CCSER1: variants seen among roughly 807,000 people sequenced by gnomAD.
CCSER1 encodes the protein coiled-coil serine rich protein 1, also known as serine-rich coiled-coil domain-containing protein 1.
CCSER1 carries 41 observed loss-of-function variants against 82.0 expected under a neutral mutation model. That is an observed-to-expected ratio of 0.50 (90% CI 0.39 to 0.65). The LOEUF (loss-of-function observed/expected upper bound fraction) is 0.65, where lower values mean the gene tolerates loss of function less well. Ranked by LOEUF, CCSER1 falls within the 30% of genes least tolerant of loss-of-function variation. CCSER1 has a pLI of 0.00. For synonymous variants in CCSER1, 414 were observed against 383.9 expected, an observed-to-expected ratio of 1.08 and a Z score of -0.92; for missense variants, 1,119 against 1,064.2, an observed-to-expected ratio of 1.05 and a Z score of -0.72.
At chr4:90,390,562 A>C (rs910213117) in intron 3 of CCSER1, among the ~76,000 whole-genome samples, 1 of 152,142 alleles carries the variant, frequency 6.6e-6, no homozygotes, top group African/African-American at 2.4e-5. Flanking sequence ...TTCCTGATTT[A>C]AGTTGATAAT....
intron 10 of CCSER1, among the ~76,000 whole-genome samples, chr4:91,432,297 AT>A (rs1055060185): frequency 6.6e-6 from 1 of 152,190 alleles, no homozygotes; most frequent in African/African-American, 2.4e-5. Flanking sequence ...GACTACTACA[AT>A]AATTAATTTA....
intron 10 of CCSER1, among the ~76,000 whole-genome samples, chr4:91,362,263 G>T (rs1457053789): frequency 6.6e-6 from 1 of 151,800 alleles, no homozygotes; most frequent in African/African-American, 2.4e-5. Flanking sequence ...TATTTTAGCT[G>T]AGCCTGTAGT....
intron 6 of CCSER1, among the ~76,000 whole-genome samples, chr4:90,687,778 G>T (rs537829451): frequency 1.1e-3 from 173 of 152,196 alleles, no homozygotes; most frequent in African/African-American, 3.9e-3. Flanking sequence ...GGAAGAGAAG[G>T]AAGGACTAAT....
At chr4:91,419,650 T>C (rs1225882658) in intron 10 of CCSER1, among the ~76,000 whole-genome samples, 1 of 151,986 alleles carries the variant, frequency 6.6e-6, no homozygotes, top group Non-Finnish European at 1.5e-5. Flanking sequence ...TATAAATTCA[T>C]TGCAATCCTT....
At chr4:90,599,886 G>A (rs1309462645) in intron 5 of CCSER1, among the ~76,000 whole-genome samples, 1 of 152,144 alleles carries the variant, frequency 6.6e-6, no homozygotes, top group Non-Finnish European at 1.5e-5. Flanking sequence ...CCCTCCTGCT[G>A]TGGCTCCACA....
At chr4:90,310,291 C>T (rs984599189) in intron 2 of CCSER1, among the ~76,000 whole-genome samples, 1 of 151,964 alleles carries the variant, frequency 6.6e-6, no homozygotes, top group Non-Finnish European at 1.5e-5. Context: ...TGTAATATGG[C>T]TACAGAAAAC....
chr4:91,311,094 C>A (rs1473441551), intron 10 of CCSER1, among the ~76,000 whole-genome samples: 1 of 151,958 alleles, frequency 6.6e-6, no homozygotes, highest in East Asian at 1.9e-4. Flanking sequence ...TTAACTATTA[C>A]ATGATTCTTT....
chr4:90,480,369 C>T (rs914769049), intron 5 of CCSER1, among the ~76,000 whole-genome samples: 10 of 152,148 alleles, frequency 6.6e-5, no homozygotes, highest in African/African-American at 2.2e-4. Context: ...TGTGCAGAAA[C>T]TCTTTAGCTT....
chr4:90,551,706 C>CTCTCTATA, intron 5 of CCSER1, among the ~76,000 whole-genome samples: 3,404 of 104,066 alleles, frequency 0.033, 100 homozygotes, highest in Middle Eastern at 0.051. Context: ...CTCTCTCTCT[C>CTCTCTATA]TATATATATA....
chr4:90,747,484 GA>G (rs1366666098), intron 7 of CCSER1, among the ~76,000 whole-genome samples: 5 of 150,250 alleles, frequency 3.3e-5, no homozygotes, highest in Middle Eastern at 3.4e-3. Context: ...TGAGAGCAGA[GA>G]AAAAAAAAGA....
rs78961850 is a variant in CCSER1 at position 91,099,301 on chromosome 4, C to T, written c.2217+13307C>T. Among the ~76,000 whole-genome samples, 530 of 152,186 alleles carry T rather than the reference C, an allele frequency of 3.5e-3. 2 individuals carry two copies. The highest frequency in any genetic ancestry group is 6.8e-3 in the Middle Eastern group (2 of 294). On this transcript the variant is annotated intron_variant, in intron 10 of 10. Transcript: ENST00000509176. The stretch of plus-strand genomic sequence containing the variant: ...TATAGAATTTTTCAGTGGTTTGGTG[C>T]CTATAGCCCACCACTAAGATGTATC...
chr4:91,556,720 C>A (rs1235372567), intron 10 of CCSER1, among the ~76,000 whole-genome samples: 1 of 150,872 alleles, frequency 6.6e-6, no homozygotes, highest in Non-Finnish European at 1.5e-5. Flanking sequence ...AATATTTCAG[C>A]AACTTTCATT....
chr4:90,842,027 G>T (rs1762632442), intron 8 of CCSER1, among the ~76,000 whole-genome samples: 1 of 149,984 alleles, frequency 6.7e-6, no homozygotes, highest in Admixed American at 6.6e-5. Flanking sequence ...TGATTTCTCT[G>T]TTTTTTTTTT....
intron 8 of CCSER1, among the ~76,000 whole-genome samples, chr4:90,898,831 C>G (rs924105131): frequency 6.6e-6 from 1 of 151,598 alleles, no homozygotes; most frequent in African/African-American, 2.4e-5. Flanking sequence ...TGGTACCATA[C>G]TGTCTTGGTT....
chr4:90,651,400 G>A (rs189953759), intron 6 of CCSER1, among the ~76,000 whole-genome samples: 1 of 152,290 alleles, frequency 6.6e-6, no homozygotes, highest in East Asian at 1.9e-4. Context: ...GGATATGGAT[G>A]AAGCTGGAAA....
chr4:90,811,511 A>G (rs1042923704), intron 7 of CCSER1, among the ~76,000 whole-genome samples: 2 of 152,198 alleles, frequency 1.3e-5, no homozygotes, highest in African/African-American at 4.8e-5. Context: ...TTTAGAGACA[A>G]TTACAGAAAT....
chr4:90,485,291 G>C (rs542051613), intron 5 of CCSER1, among the ~76,000 whole-genome samples: 1 of 152,290 alleles, frequency 6.6e-6, no homozygotes, highest in Non-Finnish European at 1.5e-5. Flanking sequence ...TCTTTGACTA[G>C]GAAAGTGAAT....
intron 6 of CCSER1, among the ~76,000 whole-genome samples, chr4:90,714,775 G>T (rs1215867066): frequency 6.6e-6 from 1 of 152,024 alleles, no homozygotes; most frequent in Non-Finnish European, 1.5e-5. Flanking sequence ...CTTAGTTATT[G>T]TTGCAGTAAC....
chr4:91,188,919 T>G (rs1581739857), intron 10 of CCSER1, among the ~76,000 whole-genome samples: 1 of 152,228 alleles, frequency 6.6e-6, no homozygotes, highest in Middle Eastern at 3.4e-3. Flanking sequence ...AAAGATCTGT[T>G]ACTTAATCAT....
Sources: gnomAD v4.1 joint callset for allele counts (sites outside exome capture counted in the v4.1 genomes callset) on GRCh38, gnomAD v4.1.1 for gene constraint, MANE v1.5 for transcripts, NCBI Gene and HGNC (gene_info 2026-07-23, HGNC 2026-07-21) for gene names.